ERICH5: variants seen among roughly 807,000 people sequenced by gnomAD.
The protein encoded by ERICH5 is glutamate-rich protein 5.
A neutral mutation model predicts 28.0 loss-of-function variants in ERICH5; 24 were observed. The observed-to-expected ratio is 0.86, with a 90% CI of 0.62 to 1.21. The LOEUF (loss-of-function observed/expected upper bound fraction) is 1.21, where lower values mean the gene tolerates loss of function less well. Among genes scored for constraint, ERICH5 ranks in the 50% most tolerant of loss-of-function variants. The pLI is 0.00. For missense variants in ERICH5, 421 were observed against 441.2 expected, an observed-to-expected ratio of 0.95 and a Z score of 0.41; for synonymous variants, 163 against 157.6, an observed-to-expected ratio of 1.03 and a Z score of -0.25.
In ERICH5 at chr8:98,093,329, CATAG is replaced by C. The variant is rs764470130; in HGVS notation, c.*2_*5del. ...GAAGTGGTGGACCTTTCAGCAGCCA[CATAG>C]ATAGAAGAGTGAACCGACACAGTGT... On this transcript the variant is annotated frameshift_variant and stop_lost, in exon 3 of 3. Coordinates refer to ENST00000318528, the MANE Select transcript of ERICH5 (RefSeq NM_173549.3). LOFTEE classifies it high-confidence loss of function. 15 of 1,610,516 alleles carry C rather than the reference CATAG, an allele frequency of 9.3e-6. No individual in the cohort carries two copies. Among genetic ancestry groups the C allele is most frequent in the Admixed American group, 3.3e-5 (2 of 59,878 alleles).
intron 1 of ERICH5, among the ~76,000 whole-genome samples, chr8:98,069,779 C>G (rs138494290): frequency 1.4e-4 from 22 of 152,162 alleles, no homozygotes; most frequent in Non-Finnish European, 3.1e-4. Flanking sequence ...TGATAGATAA[C>G]TGCCTAAATG....
At chr8:98,070,660 C>CAAAAAAAAAAAAAAAAAAGAAAAA (rs1814897549) in intron 1 of ERICH5, among the ~76,000 whole-genome samples, 1 of 38,758 alleles carries the variant, frequency 2.6e-5, no homozygotes, top group Non-Finnish European at 5.1e-5. Context: ...AACTGCATCT[C>CAAAAAAAAAAAAAAAAAAGAAAAA]AAAAAAAAAA....
chr8:98,083,874 T>C (rs55648132), intron 1 of ERICH5, among the ~76,000 whole-genome samples: 2,325 of 152,062 alleles, frequency 0.015, 48 homozygotes, highest in African/African-American at 0.051. Flanking sequence ...CTATCCCTCT[T>C]CCCATCCCTC....
intron 2 of ERICH5, among the ~76,000 whole-genome samples, chr8:98,091,394 A>C (rs1214134588): frequency 6.6e-6 from 1 of 152,150 alleles, no homozygotes; most frequent in East Asian, 1.9e-4. Context: ...TGTTGTGGGA[A>C]CTGCTTTCCT....
At chr8:98,090,807 AT>A (rs1457938736) in intron 2 of ERICH5, among the ~76,000 whole-genome samples, 3 of 152,168 alleles carry the variant, frequency 2.0e-5, no homozygotes, top group African/African-American at 4.8e-5. Context: ...ATTTAAAAAA[AT>A]ATTTTCTTCT....
At chr8:98,085,928 T>C (rs1000671591) in intron 1 of ERICH5, among the ~76,000 whole-genome samples, 1 of 152,238 alleles carries the variant, frequency 6.6e-6, no homozygotes, top group African/African-American at 2.4e-5. Context: ...AGATTACTGC[T>C]TCTGATGGCT....
intron 1 of ERICH5, among the ~76,000 whole-genome samples, chr8:98,084,138 C>T (rs535132053): frequency 1.3e-5 from 2 of 151,700 alleles, no homozygotes; most frequent in South Asian, 4.2e-4. Flanking sequence ...ATCCTCCTGC[C>T]TTAGCCTCCC....
rs3074388 is a variant in ERICH5 at position 98,091,949 on chromosome 8, C to CTTCTTTCT, written c.1013-1265_1013-1258dup. 1.1e-4 allele frequency among the ~76,000 whole-genome samples: 11 copies of CTTCTTTCT among 102,004 alleles called. 1 individual carries two copies. Among genetic ancestry groups the CTTCTTTCT allele is most frequent in the African/African-American group, 3.0e-4 (7 of 23,104 alleles). The allele number at this position is 102,004 out of a possible 152,430, so 66.9% of individuals were successfully genotyped here. On this transcript the variant is annotated intron_variant, in intron 2 of 2. Transcript: ENST00000318528. The stretch of plus-strand genomic sequence containing the variant: ...TCTTTCTTTCTTCCTTTCTTTCTTT[C>CTTCTTTCT]TTCTTTCTTTCTTTTTTCTTTCTTT...
At chr8:98,091,883 T>TCCTTC (rs879605573) in intron 2 of ERICH5, among the ~76,000 whole-genome samples, 1 of 91,400 alleles carries the variant, frequency 1.1e-5, no homozygotes, top group Non-Finnish European at 2.2e-5. Context: ...TTTCTTTCTT[T>TCCTTC]CTTTCTTTCT....
At chr8:98,068,308 A>G (rs1814853833) in intron 1 of ERICH5, among the ~76,000 whole-genome samples, 1 of 152,200 alleles carries the variant, frequency 6.6e-6, no homozygotes, top group African/African-American at 2.4e-5. Context: ...TCCCAAGATG[A>G]CTGACCAGAT....
intron 1 of ERICH5, among the ~76,000 whole-genome samples, chr8:98,084,776 G>GT (rs1319311368): frequency 1.3e-5 from 2 of 152,010 alleles, no homozygotes; most frequent in Non-Finnish European, 2.9e-5. Flanking sequence ...AAAATGATCA[G>GT]TTTTTTGGAG....
At chr8:98,083,295 T>C (rs1245548454) in intron 1 of ERICH5, among the ~76,000 whole-genome samples, 1 of 152,216 alleles carries the variant, frequency 6.6e-6, no homozygotes, top group African/African-American at 2.4e-5. Context: ...GTTTATTCCC[T>C]AAGGCAATTA....
intron 1 of ERICH5, among the ~76,000 whole-genome samples, chr8:98,078,668 A>G (rs1033790431): frequency 1.3e-5 from 2 of 152,300 alleles, no homozygotes; most frequent in East Asian, 3.9e-4. Context: ...GCTTATCACA[A>G]CGGTGCTTAT....
At chr8:98,083,018 T>C (rs992618478) in intron 1 of ERICH5, among the ~76,000 whole-genome samples, 1 of 152,258 alleles carries the variant, frequency 6.6e-6, no homozygotes, top group Admixed American at 6.5e-5. Flanking sequence ...CAAAGCTTTT[T>C]ATTGTGGGAG....
intron 1 of ERICH5, among the ~76,000 whole-genome samples, chr8:98,075,785 C>CTTTTTTTTTTTTTTTTGTTTTTTTT (rs1815041191): frequency 1.2e-5 from 1 of 81,646 alleles, no homozygotes; most frequent in African/African-American, 4.6e-5. Context: ...GCACACCTGC[C>CTTTTTTTTTTTTTTTTGTTTTTTTT]TTTTTTTTTT....
At chr8:98,091,895 T>C (rs1483865333) in intron 2 of ERICH5, among the ~76,000 whole-genome samples, 3 of 79,550 alleles carry the variant, frequency 3.8e-5, no homozygotes, top group African/African-American at 1.4e-4. Context: ...TTTCTTTCTT[T>C]CTTTCCTTTC....
Position 98,091,952 on chromosome 8 carries a change from C to T in ERICH5, c.1013-1269C>T, listed in dbSNP as rs868758763. Among the ~76,000 whole-genome samples, 221 of 59,064 alleles carry T rather than the reference C, an allele frequency of 3.7e-3. 1 individual carries two copies. Among genetic ancestry groups the T allele is most frequent in the South Asian group, 7.2e-3 (12 of 1,660 alleles). The allele number at this position is 59,064 out of a possible 152,430, so 38.7% of individuals were successfully genotyped here. ...TTCTTTCTTCCTTTCTTTCTTTCTT[C>T]TTTCTTTCTTTTTTCTTTCTTTTTC... On this transcript the variant is annotated intron_variant, in intron 2 of 2. Coordinates refer to ENST00000318528, the MANE Select transcript of ERICH5 (RefSeq NM_173549.3).
intron 1 of ERICH5, among the ~76,000 whole-genome samples, chr8:98,073,454 A>ATG (rs1814967795): frequency 1.0e-4 from 1 of 9,758 alleles, no homozygotes; most frequent in East Asian, 0.013. Context: ...ATATATATAT[A>ATG]TATATGTATA....
intron 1 of ERICH5, among the ~76,000 whole-genome samples, chr8:98,087,254 C>T (rs1320219745): frequency 2.6e-5 from 4 of 151,942 alleles, no homozygotes; most frequent in Non-Finnish European, 4.4e-5. Context: ...CATTTAGCAA[C>T]ATAGAAAAAA....
Sources: allele counts gnomAD v4.1 joint callset (sites outside exome capture counted in the v4.1 genomes callset), GRCh38; gene constraint gnomAD v4.1.1; transcripts MANE v1.5; gene names NCBI Gene and HGNC (gene_info 2026-07-23, HGNC 2026-07-21).